ITGA1: variants seen among roughly 807,000 people sequenced by gnomAD.
ITGA1 encodes integrin subunit alpha 1, also known as integrin alpha-1.
In ITGA1, 85 loss-of-function variants were observed where a neutral mutation model predicts 145.9. The ratio of observed to expected loss-of-function variants is 0.58; its 90% CI spans 0.49 to 0.70. ITGA1 has a LOEUF of 0.70. Among genes scored for constraint, ITGA1 ranks in the 30% least tolerant of loss-of-function variants. The pLI, the probability that ITGA1 is intolerant of heterozygous loss-of-function variation, is 0.00. For missense variants in ITGA1, 1,351 were observed against 1,418.7 expected (o/e 0.95, Z 0.77); for synonymous variants, 520 against 495.3 (o/e 1.05, Z -0.66).
intron 23 of ITGA1, 92 bp downstream of exon 23, chr5:52,934,088 C>A: frequency 2.6e-6 from 1 of 382,634 alleles, no homozygotes; most frequent in Non-Finnish European, 4.7e-6. Context: ...TATGTTGCTT[C>A]AATGTTTAAT....
At chr5:52,795,578 A>C (rs553027627) in intron 1 of ITGA1, among the ~76,000 whole-genome samples, 45 of 152,046 alleles carry the variant, frequency 3.0e-4, no homozygotes, top group African/African-American at 1.0e-3. Context: ...AGTAGAGCTG[A>C]ATAACATAAA....
At chr5:52,837,840 G>T (rs1749185470) in intron 1 of ITGA1, among the ~76,000 whole-genome samples, 1 of 151,840 alleles carries the variant, frequency 6.6e-6, no homozygotes, top group Non-Finnish European at 1.5e-5. Context: ...TTATAACTAA[G>T]AAAACAAAGT....
rs1274950329 is a variant in ITGA1 at position 52,954,744 on chromosome 5, A to G, written c.*2293A>G. 6.6e-6 allele frequency: 1 copy of G among 152,164 alleles called. No homozygotes were observed. Among genetic ancestry groups the G allele is most frequent in the Non-Finnish European group, 1.5e-5 (1 of 68,022 alleles). The allele number at this position is 152,164 out of a possible 1,614,324, so 9.4% of individuals were successfully genotyped here. On this transcript the variant is annotated 3_prime_UTR_variant, in exon 29 of 29. Coordinates refer to ENST00000282588, the MANE Select transcript of ITGA1 (RefSeq NM_181501.2). ...ACACAAAAGCTATATCTGCAAGACA[A>G]GTTTGATTCATCTAGTTTCATATAG...
chr5:52,798,292 C>A (rs1406521054), intron 1 of ITGA1, among the ~76,000 whole-genome samples: 3 of 152,036 alleles, frequency 2.0e-5, no homozygotes, highest in Admixed American at 1.3e-4. Flanking sequence ...TAAGGGGAGA[C>A]ATAGAGAGCG....
At chr5:52,834,542 AAGAAAG>A (rs1334998537) in intron 1 of ITGA1, among the ~76,000 whole-genome samples, 1 of 106,304 alleles carries the variant, frequency 9.4e-6, no homozygotes, top group African/African-American at 3.5e-5. Context: ...AAGAAAGAGA[AAGAAAG>A]AGAAAGAGAG....
chr5:52,801,756 GTTGA>G (rs1561212434), intron 1 of ITGA1: 1 of 1,614,024 alleles, frequency 6.2e-7, no homozygotes, highest in Non-Finnish European at 8.5e-7. Flanking sequence ...AGCTCAGCCA[GTTGA>G]CTGGGGTAGC....
chr5:52,896,966 C>T (rs1293804714), intron 9 of ITGA1, among the ~76,000 whole-genome samples: 1 of 152,102 alleles, frequency 6.6e-6, no homozygotes, highest in African/African-American at 2.4e-5. Flanking sequence ...CTGACAGAAT[C>T]TATGGCCTGA....
In ITGA1 at chr5:52,925,211, A is replaced by G. The variant is rs567870161; in HGVS notation, c.2404-67A>G. ...GGCTGTATGCCATTTTTGTTACACAAATTGATGGGTAATTTTCAACAATGC... is the reference window on the plus strand; with the variant it reads ...GGCTGTATGCCATTTTTGTTACACAGATTGATGGGTAATTTTCAACAATGC... On this transcript the variant is annotated intron_variant, in intron 18 of 28. Coordinates refer to ENST00000282588, the MANE Select transcript of ITGA1 (RefSeq NM_181501.2). The G allele has an allele frequency of 5.7e-5, 70 of 1,229,940 alleles. No homozygotes were observed. The East Asian group carries it at 9.1e-4, about 16-fold the overall frequency. 76.2% of individuals were successfully genotyped at this position (1,229,940 alleles called of 1,614,324 possible). A position where few individuals can be genotyped will look rare whatever the true frequency, so the allele number is the denominator to read the frequency against.
At chr5:52,862,324 G>A (rs1478771436) in intron 3 of ITGA1, among the ~76,000 whole-genome samples, 1 of 151,940 alleles carries the variant, frequency 6.6e-6, no homozygotes, top group East Asian at 1.9e-4. Flanking sequence ...AAGGCGCTGA[G>A]TTCAAGAAGT....
intron 1 of ITGA1, among the ~76,000 whole-genome samples, chr5:52,828,354 T>C (rs1335160141): frequency 2.6e-5 from 4 of 152,188 alleles, no homozygotes; most frequent in Admixed American, 6.6e-5. Context: ...GCCATTCTAC[T>C]GGCTGTGAAG....
chr5:52,858,488 T>C (rs1011227384), intron 2 of ITGA1, among the ~76,000 whole-genome samples: 4 of 152,230 alleles, frequency 2.6e-5, no homozygotes, highest in African/African-American at 9.6e-5. Flanking sequence ...TTGTGTTTTA[T>C]TCACTTTTGT....
At chr5:52,831,474 T>C (rs1020394478) in intron 1 of ITGA1, among the ~76,000 whole-genome samples, 1 of 151,884 alleles carries the variant, frequency 6.6e-6, no homozygotes, top group African/African-American at 2.4e-5. Flanking sequence ...AGTCTCAAGA[T>C]ACCTGTTTCT....
intron 6 of ITGA1, among the ~76,000 whole-genome samples, chr5:52,873,353 A>T (rs536677425): frequency 1.3e-5 from 2 of 152,152 alleles, no homozygotes; most frequent in Non-Finnish European, 2.9e-5. Context: ...CTTTGTTTTA[A>T]CCTCTCCTAT....
chr5:52,843,432 T>A (rs959500125), intron 1 of ITGA1, among the ~76,000 whole-genome samples: 5 of 152,198 alleles, frequency 3.3e-5, no homozygotes, highest in African/African-American at 1.2e-4. Context: ...TGTTGTTGAA[T>A]ATTCCTATCT....
chr5:52,881,900 G>A lies in ITGA1; in HGVS notation c.652G>A (p.Val218Met), dbSNP rs1003303207. 2.5e-6 allele frequency: 4 copies of A among 1,613,476 alleles called. No homozygotes were observed. Among genetic ancestry groups the A allele is most frequent in the East Asian group, 2.2e-5 (1 of 44,874 alleles). ...TGGAATTGTACAGTATGGAGAAAAC[G>A]TGACCCATGAGTTCAACCTCAATAA... ...QVGIVQYGEN[V>M]THEFNLNKYS... The change falls in exon 7 of 29, where the codon GTG becomes ATG. Residue 218 changes from valine to methionine, a missense_variant. Transcript: ENST00000282588.
intron 13 of ITGA1, 117 bp from the exon 14 acceptor site, chr5:52,910,045 A>G: frequency 1.0e-6 from 1 of 995,716 alleles, no homozygotes; most frequent in Non-Finnish European, 1.5e-6. Flanking sequence ...AATTTTACCA[A>G]CTTTACCACT....
intron 1 of ITGA1, among the ~76,000 whole-genome samples, chr5:52,795,911 G>A (rs1243133453): frequency 2.0e-5 from 3 of 152,058 alleles, no homozygotes; most frequent in Non-Finnish European, 4.4e-5. Context: ...ATCCAGGAAA[G>A]ACCATATTTG....
intron 2 of ITGA1, among the ~76,000 whole-genome samples, chr5:52,850,177 T>C (rs1279499054): frequency 6.6e-6 from 1 of 151,998 alleles, no homozygotes; most frequent in Non-Finnish European, 1.5e-5. Context: ...AATTTTTGTA[T>C]TTCTAGTAGA....
rs374659242 is a variant in ITGA1, at chr5:52,792,506, A to G, written c.61+4092A>G. Among the ~76,000 whole-genome samples, 72 of 152,284 alleles carry G rather than the reference A, an allele frequency of 4.7e-4. 1 individual carries two copies. In the South Asian group the frequency reaches 7.7e-3, roughly 16 times the overall value. Reference sequence around the variant, plus strand: ...TTAACTATTTCTCTTCCCTCCTGTCATAACACTTACCCAGCTATTTTGAAG... The same window carrying G: ...TTAACTATTTCTCTTCCCTCCTGTCGTAACACTTACCCAGCTATTTTGAAG... On this transcript the variant is annotated intron_variant, in intron 1 of 28. Transcript: ENST00000282588.
Sources: allele counts gnomAD v4.1 joint callset (sites outside exome capture counted in the v4.1 genomes callset), GRCh38; gene constraint gnomAD v4.1.1; transcripts MANE v1.5; gene names NCBI Gene and HGNC (gene_info 2026-07-23, HGNC 2026-07-21).